The following ANKRD46 variants were observed in gnomAD, a reference collection of about 807,000 sequenced individuals.
ANKRD46 encodes the protein ankyrin repeat domain 46, also known as ankyrin repeat domain-containing protein 46.
ANKRD46 carries 13 observed loss-of-function variants against 19.8 expected under a neutral mutation model. The observed-to-expected ratio is 0.66, with a 90% confidence interval of 0.43 to 1.04. The LOEUF (loss-of-function observed/expected upper bound fraction) is 1.04. Ranked by LOEUF, ANKRD46 falls within the 50% of genes least tolerant of loss-of-function variation. ANKRD46 has a pLI of 0.00. For missense variants in ANKRD46, 185 were observed against 274.8 expected (o/e 0.67, Z 2.31); for synonymous variants, 91 against 106.9 (o/e 0.85, Z 0.92).
intron 1 of ANKRD46, among the ~76,000 whole-genome samples, chr8:100,542,730 A>G (rs944038986): frequency 2.0e-4 from 30 of 152,102 alleles, no homozygotes; most frequent in African/African-American, 7.0e-4. Context: ...GTTCATGAGG[A>G]TAGAAATAAA....
At chr8:100,551,377 C>T (rs1050231755) in intron 1 of ANKRD46, 11 of 594,696 alleles carry the variant, frequency 1.8e-5, no homozygotes, top group Non-Finnish European at 3.5e-5. Context: ...TTGGCTCCCC[C>T]ATTAAGTGAG....
At position 100,510,435 on chromosome 8, in the gene ANKRD46, G is replaced by T; in HGVS notation, c.*142C>A. The stretch of plus-strand genomic sequence containing the variant: ...GGGACAGGTGGTAGCAGGTCCCTCT[G>T]CCTCCTAACTGCAGAGCTTTGAGAT... On this transcript the variant is annotated 3_prime_UTR_variant, in exon 6 of 6. Transcript: ENST00000520552. The surrounding 1 kb of genome is among the most constrained non-coding windows in gnomAD (Gnocchi z 4.9). The T allele has an allele frequency of 1.4e-6, 1 of 737,760 alleles. No individual in the cohort carries two copies. Among genetic ancestry groups the T allele is most frequent in the Non-Finnish European group, 2.0e-6 (1 of 492,702 alleles). The allele number at this position is 737,760 out of a possible 1,614,324, so 45.7% of individuals were successfully genotyped here. A position where few individuals can be genotyped will look rare whatever the true frequency, so the allele number is the denominator to read the frequency against.
chr8:100,552,371 T>C, intron 1 of ANKRD46, among the ~76,000 whole-genome samples: 1 of 151,320 alleles, frequency 6.6e-6, no homozygotes, highest in Non-Finnish European at 1.5e-5. Context: ...ATTCTGACTA[T>C]ACTTTGGCGC....
At chr8:100,542,053 T>C (rs1251088022) in intron 1 of ANKRD46, among the ~76,000 whole-genome samples, 1 of 152,142 alleles carries the variant, frequency 6.6e-6, no homozygotes, top group Non-Finnish European at 1.5e-5. Flanking sequence ...AAGGATGTAC[T>C]GCATCCTTCA....
intron 5 of ANKRD46, among the ~76,000 whole-genome samples, chr8:100,513,423 A>G (rs1399506533): frequency 6.6e-6 from 1 of 152,182 alleles, no homozygotes; most frequent in Non-Finnish European, 1.5e-5. Flanking sequence ...TAAATAATAC[A>G]GTTATTATTT....
chr8:100,529,719 T>G lies in ANKRD46; in HGVS notation c.115A>C (p.Asn39His). ...KRLLESGFDP[N>H]IRDSRGRTGL... ...GTTCTGCCCCTGCTGTCACGAATATTTGGGTCAAAGCCACTTTCCAAAAGC... is the reference window on the plus strand; with the variant it reads ...GTTCTGCCCCTGCTGTCACGAATATGTGGGTCAAAGCCACTTTCCAAAAGC... The change falls in exon 3 of 5, where the codon AAT becomes CAT. Residue 39 changes from asparagine (N) to histidine (H), a missense_variant. Coordinates refer to ENST00000335659, the MANE Select transcript of ANKRD46 (RefSeq NM_001270377.2). This position sits in a 1 kb window ranked among gnomAD's most constrained non-coding sequence, Gnocchi z 5.8. 6.2e-7 allele frequency: 1 copy of G among 1,614,238 alleles called. No individual in the cohort carries two copies. The highest frequency in any genetic ancestry group is 1.3e-5 in the African/African-American group (1 of 75,058).
At chr8:100,551,004 C>T (rs935686545) in intron 1 of ANKRD46, 47 of 533,256 alleles carry the variant, frequency 8.8e-5, no homozygotes, top group Admixed American at 4.2e-4. Flanking sequence ...ACAACCAACA[C>T]GTTTGCAGAA....
In ANKRD46 at chr8:100,545,928, TGAGA is replaced by T. The variant is rs896988482; in HGVS notation, c.-130-12621_-130-12618del. On this transcript the variant is annotated intron_variant, in intron 1 of 4. Coordinates refer to ENST00000335659, the MANE Select transcript of ANKRD46 (RefSeq NM_001270377.2). The surrounding 1 kb of genome is among the most constrained non-coding windows in gnomAD (Gnocchi z 4.7). ...CTAGAGATCTGCGGAACTTTGAACT[TGAGA>T]GAGATGATTTAGGGTATCTGGCAGA... is the stretch of plus-strand genomic sequence containing the variant. Among the ~76,000 whole-genome samples, 12 of 152,156 alleles carry T rather than the reference TGAGA, an allele frequency of 7.9e-5. No individual in the cohort carries two copies. The highest frequency in any genetic ancestry group is 1.5e-4 in the Non-Finnish European group (10 of 68,024).
At chr8:100,555,387 G>T (rs1812472881) in intron 1 of ANKRD46, among the ~76,000 whole-genome samples, 1 of 147,506 alleles carries the variant, frequency 6.8e-6, no homozygotes, top group South Asian at 2.2e-4. Flanking sequence ...ATAAGAAAAT[G>T]AAAAAAATCC....
In ANKRD46 at chr8:100,534,273, A is replaced by C. The variant is rs988936615; in HGVS notation, c.-130-962T>G. Among the ~76,000 whole-genome samples the C allele has an allele frequency of 6.6e-6, 1 of 152,260 alleles. No individual in the cohort carries two copies. The highest frequency in any genetic ancestry group is 2.4e-5 in the African/African-American group (1 of 41,474). ...CAATATGTAAGTCAGGTTGTATCAT[A>C]AAGGCTATCAGTGCTAGGCTGGAAC... On this transcript the variant is annotated intron_variant, in intron 1 of 4. Transcript: ENST00000335659. The surrounding 1 kb of genome is among the most constrained non-coding windows in gnomAD (Gnocchi z 4.2).
intron 5 of ANKRD46, among the ~76,000 whole-genome samples, chr8:100,514,702 A>G (rs917083804): frequency 7.3e-6 from 1 of 137,200 alleles, no homozygotes; most frequent in African/African-American, 2.8e-5. Flanking sequence ...GCTTACTGCA[A>G]CCTCCACCCC....
At chr8:100,515,396 GA>G (rs1423344404) in intron 5 of ANKRD46, among the ~76,000 whole-genome samples, 1 of 151,414 alleles carries the variant, frequency 6.6e-6, no homozygotes, top group East Asian at 1.9e-4. Context: ...GATTTTTTTT[GA>G]GAAGTGGCAA....
At chr8:100,549,995 A>G (rs1812350485) in intron 1 of ANKRD46, among the ~76,000 whole-genome samples, 1 of 152,060 alleles carries the variant, frequency 6.6e-6, no homozygotes, top group African/African-American at 2.4e-5. Flanking sequence ...GTATCTTCTC[A>G]TGGCTTCATA....
At chr8:100,512,655 C>G (rs1297125332) in intron 5 of ANKRD46, among the ~76,000 whole-genome samples, 2 of 152,114 alleles carry the variant, frequency 1.3e-5, no homozygotes, top group Non-Finnish European at 2.9e-5. Context: ...AAAATCTCAA[C>G]CAGAAAGAAA....
chr8:100,512,557 T>C (rs1341738972), intron 5 of ANKRD46, among the ~76,000 whole-genome samples: 1 of 152,210 alleles, frequency 6.6e-6, no homozygotes, highest in Non-Finnish European at 1.5e-5. Flanking sequence ...AACTCTTTTG[T>C]AATTAGGCAA....
Position 100,544,570 on chromosome 8 carries a change from T to C in ANKRD46, c.-130-11259A>G, listed in dbSNP as rs866279941. 6.6e-6 allele frequency among the ~76,000 whole-genome samples: 1 copy of C among 152,206 alleles called. No homozygotes were observed. Among genetic ancestry groups the C allele is most frequent in the Non-Finnish European group, 1.5e-5 (1 of 68,044 alleles). On this transcript the variant is annotated intron_variant, in intron 1 of 4. Transcript: ENST00000335659. The surrounding 1 kb of genome is among the most constrained non-coding windows in gnomAD (Gnocchi z 4.4). ...TGATCTGTGAATTTATCAAGAATTA[T>C]TTTTCAGGATAAGCACTAAGTACTA...
intron 1 of ANKRD46, among the ~76,000 whole-genome samples, chr8:100,553,566 T>C (rs1019837313): frequency 2.0e-5 from 3 of 152,286 alleles, no homozygotes; most frequent in Admixed American, 6.5e-5. Flanking sequence ...CTGGCCAATA[T>C]AGTGAAACCC....
In ANKRD46 at chr8:100,521,584, T is replaced by G; in HGVS notation, c.*971A>C. The stretch of plus-strand genomic sequence containing the variant: ...CCATCCATTCTTGCCATCAGAGAAT[T>G]ACAGATATGGATGGGATTGTTAAAA... On this transcript the variant is annotated 3_prime_UTR_variant, in exon 5 of 5. Coordinates refer to ENST00000335659, the MANE Select transcript of ANKRD46 (RefSeq NM_001270377.2). The G allele has an allele frequency of 1.0e-6, 1 of 985,422 alleles. No homozygotes were observed. The highest frequency in any genetic ancestry group is 1.2e-6 in the Non-Finnish European group (1 of 829,910). The allele number at this position is 985,422 out of a possible 1,614,324, so 61.0% of individuals were successfully genotyped here. A position where few individuals can be genotyped will look rare whatever the true frequency, so the allele number is the denominator to read the frequency against.
chr8:100,528,138 T>C, intron 3 of ANKRD46, 135 bp from the exon 4 acceptor site: 1 of 967,868 alleles, frequency 1.0e-6, no homozygotes, highest in Non-Finnish European at 1.4e-6. Context: ...AATTAGGGCC[T>C]ACCCTAGGGC....
Sources: gnomAD v4.1 joint callset for allele counts (sites outside exome capture counted in the v4.1 genomes callset) on GRCh38, gnomAD v4.1.1 for gene constraint, Gnocchi (gnomAD v3.1) non-coding constraint, MANE v1.5 for transcripts, NCBI Gene and HGNC (gene_info 2026-07-23, HGNC 2026-07-21) for gene names.